GAL3ST2: variants seen among roughly 807,000 people sequenced by gnomAD.
The protein encoded by GAL3ST2 is galactose-3-O-sulfotransferase 2, also known as beta-galactose-3-O-sulfotransferase 2.
A neutral mutation model predicts 12.9 loss-of-function variants in GAL3ST2; 16 were observed. The ratio of observed to expected loss-of-function variants is 1.24; its 90% CI spans 0.84 to 1.88. The LOEUF (loss-of-function observed/expected upper bound fraction) is 1.88, where lower values mean the gene tolerates loss of function less well. Ranked by LOEUF, GAL3ST2 falls within the 40% of genes most tolerant of loss-of-function variation. The pLI is 0.00. For missense variants in GAL3ST2, 639 were observed against 571.8 expected (o/e 1.12, Z -1.20); for synonymous variants, 302 against 273.9 (o/e 1.10, Z -1.01).
Position 241,804,173 on chromosome 2 carries a change from C to T in GAL3ST2, c.*7C>T. The T allele has an allele frequency of 2.8e-6, 4 of 1,422,040 alleles. No individual in the cohort carries two copies. The highest frequency in any genetic ancestry group is 3.7e-6 in the Non-Finnish European group (4 of 1,081,502). 88.1% of individuals were successfully genotyped at this position (1,422,040 alleles called of 1,614,324 possible). On this transcript the variant is annotated 3_prime_UTR_variant, in exon 4 of 4. Coordinates refer to ENST00000192314, the MANE Select transcript of GAL3ST2 (RefSeq NM_022134.3). ...CCCGTTCCTGGGGGCGTAGAGGGGC[C>T]GGGCCGGGGACGAGGCCTCCTGCGG...
chr2:241,803,516 C>T lies in GAL3ST2; in HGVS notation c.547C>T (p.His183Tyr). The change falls in exon 4 of 4, where the codon CAC (histidine) becomes TAC (tyrosine). Residue 183 changes from histidine (H) to tyrosine (Y), a missense_variant. His to Tyr is a moderately conservative substitution (Grantham distance 83). Coordinates refer to ENST00000192314, the MANE Select transcript of GAL3ST2 (RefSeq NM_022134.3). ...SPRTFYNDSR[H>Y]LRNVYAKNNM... ...GCGGACGTTCTACAACGACAGCCGCCACCTCAGGAACGTCTACGCCAAGAA... is the reference window on the plus strand; with the variant it reads ...GCGGACGTTCTACAACGACAGCCGCTACCTCAGGAACGTCTACGCCAAGAA... The T allele has an allele frequency of 6.2e-7, 1 of 1,611,018 alleles. No individual in the cohort carries two copies.
intron 1 of GAL3ST2, among the ~76,000 whole-genome samples, 162 bp downstream of exon 1, chr2:241,777,146 T>A (rs1340383257): frequency 6.6e-6 from 1 of 152,176 alleles, no homozygotes; most frequent in Non-Finnish European, 1.5e-5. Flanking sequence ...CTTGGCTTCG[T>A]TTCGGAAGTA....
At chr2:241,780,009 G>A (rs927010834) in intron 1 of GAL3ST2, among the ~76,000 whole-genome samples, 6 of 151,266 alleles carry the variant, frequency 4.0e-5, no homozygotes, top group Non-Finnish European at 5.9e-5. Context: ...AGTGGCTTAT[G>A]TATGTAAATA....
chr2:241,802,170 G>C lies in GAL3ST2; in HGVS notation c.375+134G>C. ...GGGGCGTGCAGAAGGCGGGTTGGGAGGGCCTGGGCCGCACGCCCTGCTGAG... is the reference window on the plus strand; with the variant it reads ...GGGGCGTGCAGAAGGCGGGTTGGGACGGCCTGGGCCGCACGCCCTGCTGAG... On this transcript the variant is annotated intron_variant, in intron 3 of 3. Transcript: ENST00000192314. This position sits in a 1 kb window ranked among gnomAD's most constrained non-coding sequence, Gnocchi z 4.8. 6 of 1,142,852 alleles carry C rather than the reference G, an allele frequency of 5.3e-6. No individual in the cohort carries two copies. The South Asian group carries it at 8.0e-5, about 15-fold the overall frequency. The allele number at this position is 1,142,852 out of a possible 1,614,324, so 70.8% of individuals were successfully genotyped here. A position where few individuals can be genotyped will look rare whatever the true frequency, so the allele number is the denominator to read the frequency against.
chr2:241,798,478 G>A (rs563772507), intron 1 of GAL3ST2, among the ~76,000 whole-genome samples: 11 of 152,270 alleles, frequency 7.2e-5, no homozygotes, highest in East Asian at 3.9e-4. Context: ...GGGAGTGGAA[G>A]CTGCACTCTG....
intron 1 of GAL3ST2, among the ~76,000 whole-genome samples, chr2:241,787,890 C>T (rs561767567): frequency 4.6e-5 from 7 of 152,174 alleles, no homozygotes; most frequent in Non-Finnish European, 7.3e-5. Context: ...CTGACTTGGT[C>T]AAATCCGAGT....
intron 1 of GAL3ST2, among the ~76,000 whole-genome samples, chr2:241,792,031 G>A (rs34255800): frequency 2.9e-5 from 3 of 103,272 alleles, no homozygotes; most frequent in African/African-American, 9.7e-5. Context: ...TTTTTTTTCT[G>A]AGATGGAGTT....
rs1339523369 is a variant in GAL3ST2, at chr2:241,793,685, G to A, written c.30-5380G>A. On this transcript the variant is annotated intron_variant, in intron 1 of 3. Transcript: ENST00000192314. The surrounding 1 kb of genome is among the most constrained non-coding windows in gnomAD (Gnocchi z 4.7). ...GTGTGTGTATGCACATATTGTGTAT[G>A]TGTGTGTATATGTGTATGTACGTAT... Among the ~76,000 whole-genome samples the A allele has an allele frequency of 2.0e-5, 3 of 151,214 alleles. No individual in the cohort carries two copies. The highest frequency in any genetic ancestry group is 3.0e-5 in the Non-Finnish European group (2 of 67,668).
At chr2:241,799,993 G>A (rs1424946336) in intron 2 of GAL3ST2, among the ~76,000 whole-genome samples, 1 of 152,234 alleles carries the variant, frequency 6.6e-6, no homozygotes, top group Non-Finnish European at 1.5e-5. Context: ...GGTGTGAAGG[G>A]ACAAGAAGCA....
chr2:241,783,268 C>T (rs188424970), intron 1 of GAL3ST2, among the ~76,000 whole-genome samples: 1 of 152,194 alleles, frequency 6.6e-6, no homozygotes, highest in African/African-American at 2.4e-5. Context: ...TATAATTCCT[C>T]TTATTGTGAC....
At position 241,801,645 on chromosome 2, in the gene GAL3ST2, G is replaced by C; in HGVS notation, c.120-136G>C. On this transcript the variant is annotated intron_variant, in intron 2 of 3. Transcript: ENST00000192314. The surrounding 1 kb of genome is among the most constrained non-coding windows in gnomAD (Gnocchi z 4.4). ...GGGGCCATGGGTCGGTGCCTACCCAGTTGGCCCCCTGGCCTAGAGTTGGGG... is the reference window on the plus strand; with the variant it reads ...GGGGCCATGGGTCGGTGCCTACCCACTTGGCCCCCTGGCCTAGAGTTGGGG... 1 of 1,198,742 alleles carries C rather than the reference G, an allele frequency of 8.3e-7. No homozygotes were observed. The highest frequency in any genetic ancestry group is 1.5e-5 in the South Asian group (1 of 65,326). The allele number at this position is 1,198,742 out of a possible 1,614,324, so 74.3% of individuals were successfully genotyped here. A position where few individuals can be genotyped will look rare whatever the true frequency, so the allele number is the denominator to read the frequency against.
intron 1 of GAL3ST2, among the ~76,000 whole-genome samples, chr2:241,786,063 T>G (rs781435139): frequency 1.3e-5 from 2 of 152,188 alleles, no homozygotes; most frequent in Admixed American, 1.3e-4. Flanking sequence ...ATAAAGTCCC[T>G]TTAGTAGTCA....
At chr2:241,798,907 A>G (rs1010006727) in intron 1 of GAL3ST2, among the ~76,000 whole-genome samples, 158 bp from the exon 2 acceptor site, 4 of 151,812 alleles carry the variant, frequency 2.6e-5, no homozygotes, top group Non-Finnish European at 5.9e-5. Flanking sequence ...TCCCTAGCCC[A>G]TGGGCCGGCA....
At position 241,802,225 on chromosome 2, in the gene GAL3ST2, G is replaced by C. The variant is rs1349374105; in HGVS notation, c.375+189G>C. Among the ~76,000 whole-genome samples the C allele has an allele frequency of 6.6e-6, 1 of 152,162 alleles. No homozygotes were observed. Among genetic ancestry groups the C allele is most frequent in the Admixed American group, 6.5e-5 (1 of 15,276 alleles). Reference sequence around the variant, plus strand: ...CCCCTGCCCCTCCAGGCGGCCAGTCGCCTGCCGTTGCTCTTGGAATGAGAC... The same window carrying C: ...CCCCTGCCCCTCCAGGCGGCCAGTCCCCTGCCGTTGCTCTTGGAATGAGAC... On this transcript the variant is annotated intron_variant, in intron 3 of 3. Transcript: ENST00000192314. This position sits in a 1 kb window ranked among gnomAD's most constrained non-coding sequence, Gnocchi z 4.8.
rs1451572275 is a variant in GAL3ST2 at position 241,803,440 on chromosome 2, C to T, written c.471C>T (p.Tyr157=). The change falls in exon 4 of 4, where the codon TAC becomes TAT. Residue 157 remains tyrosine (Y), a synonymous_variant. Transcript: ENST00000192314. ...LESSFIYYKT[Y]APAFRGAPSL... ...CCTCCTTCATCTACTACAAAACCTA[C>T]GCCCCCGCCTTCCGGGGCGCCCCGA... The T allele has an allele frequency of 1.2e-6, 2 of 1,612,248 alleles. No homozygotes were observed. Among genetic ancestry groups the T allele is most frequent in the Non-Finnish European group, 1.7e-6 (2 of 1,179,554 alleles).
chr2:241,801,357 T>TTAAAA lies in GAL3ST2; in HGVS notation c.120-424_120-423insTAAAA. The TTAAAA allele has an allele frequency of 1.6e-5, 3 of 190,200 alleles. No homozygotes were observed. The highest frequency in any genetic ancestry group is 2.1e-5 in the Non-Finnish European group (2 of 93,028). The allele number at this position is 190,200 out of a possible 1,614,324, so 11.8% of individuals were successfully genotyped here. On this transcript the variant is annotated intron_variant, in intron 2 of 3. Transcript: ENST00000192314. The surrounding 1 kb of genome is among the most constrained non-coding windows in gnomAD (Gnocchi z 4.4). ...TGTGCCACATTTTCTTTACGGTCTC[T>TTAAAA]ATGTAACATTCACACCCGGCAGCTG...
In GAL3ST2 at chr2:241,799,245, C is replaced by A. The variant is rs1699814648; in HGVS notation, c.119+91C>A. The A allele has an allele frequency of 3.6e-6, 4 of 1,120,754 alleles. No individual in the cohort carries two copies. In the Admixed American group the frequency reaches 5.4e-5, roughly 15 times the overall value. 69.4% of individuals were successfully genotyped at this position (1,120,754 alleles called of 1,614,324 possible). The stretch of plus-strand genomic sequence containing the variant: ...GGGACCCCAGCATGATCACGCCCCC[C>A]ACTGGGCCTGTCTCCCTCTGGAAGA... On this transcript the variant is annotated intron_variant, in intron 2 of 3. Coordinates refer to ENST00000192314, the MANE Select transcript of GAL3ST2 (RefSeq NM_022134.3).
chr2:241,803,832 G>T lies in GAL3ST2; in HGVS notation c.863G>T (p.Arg288Leu). The change falls in exon 4 of 4, where the codon CGC becomes CTC. Residue 288 changes from arginine (R) to leucine (L), a missense_variant. By Grantham distance (102) the Arg-to-Leu change is moderately radical. Coordinates refer to ENST00000192314, the MANE Select transcript of GAL3ST2 (RefSeq NM_022134.3). ...TGGCGCCTGTACGAGCATTTCAACC[G>T]CACCCTCTGGGCGCAGCTGCGCGCC... ...LDWRLYEHFN[R>L]TLWAQLRAEL... The T allele has an allele frequency of 6.7e-7, 1 of 1,485,950 alleles. No individual in the cohort carries two copies. The highest frequency in any genetic ancestry group is 8.9e-7 in the Non-Finnish European group (1 of 1,126,640). The allele number at this position is 1,485,950 out of a possible 1,614,324, so 92.0% of individuals were successfully genotyped here. A position where few individuals can be genotyped will look rare whatever the true frequency, so the allele number is the denominator to read the frequency against.
At chr2:241,786,139 T>TTGTGTGTGTG (rs141438054) in intron 1 of GAL3ST2, among the ~76,000 whole-genome samples, 3,029 of 145,922 alleles carry the variant, frequency 0.021, 82 homozygotes, top group African/African-American at 0.056. Flanking sequence ...CACACACCTT[T>TTGTGTGTGTG]TGTGTGTGTG....
Sources: allele counts gnomAD v4.1 joint callset (sites outside exome capture counted in the v4.1 genomes callset), GRCh38; gene constraint gnomAD v4.1.1; non-coding constraint Gnocchi (gnomAD v3.1); transcripts MANE v1.5; gene names NCBI Gene and HGNC (gene_info 2026-07-23, HGNC 2026-07-21).